Variants in HPSE2 observed in about 807,000 individuals in gnomAD.
HPSE2 encodes the protein inactive heparanase-2.
In HPSE2, 38 loss-of-function variants were observed where a neutral mutation model predicts 60.5. The observed-to-expected ratio is 0.63, with a 90% CI of 0.48 to 0.82. The LOEUF (loss-of-function observed/expected upper bound fraction) is 0.82, where lower values mean the gene tolerates loss of function less well. Ranked by LOEUF, HPSE2 falls within the 40% of genes least tolerant of loss-of-function variation. The pLI, the probability that HPSE2 is intolerant of heterozygous loss-of-function variation, is 0.00. For missense variants in HPSE2, 713 were observed against 740.4 expected (o/e 0.96, Z 0.43); for synonymous variants, 295 against 293.2 (o/e 1.01, Z -0.06).
At chr10:98,816,687 T>C (rs1391419709) in intron 3 of HPSE2, among the ~76,000 whole-genome samples, 2 of 152,110 alleles carry the variant, frequency 1.3e-5, no homozygotes, top group Non-Finnish European at 2.9e-5. Flanking sequence ...CAATTTAGGA[T>C]TTCTGCCCAG....
intron 11 of HPSE2, among the ~76,000 whole-genome samples, chr10:98,478,471 C>T (rs1040014370): frequency 9.9e-5 from 15 of 152,234 alleles, no homozygotes; most frequent in African/African-American, 2.9e-4. Context: ...GTCCAACCCC[C>T]GACTGAGGAA....
intron 11 of HPSE2, among the ~76,000 whole-genome samples, chr10:98,479,586 A>G (rs1328876121): frequency 6.6e-6 from 1 of 152,216 alleles, no homozygotes; most frequent in Non-Finnish European, 1.5e-5. Flanking sequence ...CTGGCAGCTT[A>G]CAGTCCACCA....
chr10:99,267,289 C>A, the HPSE2 span, among the ~76,000 whole-genome samples: 4 of 151,874 alleles, frequency 2.6e-5, no homozygotes, highest in African/African-American at 9.7e-5. Context: ...AAATAAAAAA[C>A]AATCACAACT....
chr10:98,994,582 T>C (rs1163285474), intron 3 of HPSE2, among the ~76,000 whole-genome samples: 2 of 152,236 alleles, frequency 1.3e-5, no homozygotes, highest in Admixed American at 6.5e-5. Flanking sequence ...ATATGCATAG[T>C]AAAGCCCGGT....
chr10:98,901,806 T>G (rs553961348), intron 3 of HPSE2, among the ~76,000 whole-genome samples: 1 of 152,324 alleles, frequency 6.6e-6, no homozygotes, highest in South Asian at 2.1e-4. Context: ...AGGCCTATGT[T>G]TCCTCAGCTG....
chr10:99,054,666 G>A (rs1229702542), intron 3 of HPSE2, among the ~76,000 whole-genome samples: 2 of 152,176 alleles, frequency 1.3e-5, no homozygotes, highest in South Asian at 2.1e-4. Context: ...ACTATTCAGA[G>A]GAAGATAATG....
At chr10:98,503,347 C>A (rs932315299) in intron 9 of HPSE2, among the ~76,000 whole-genome samples, 2 of 151,966 alleles carry the variant, frequency 1.3e-5, no homozygotes, top group African/African-American at 4.8e-5. Flanking sequence ...TGGCTGTAAT[C>A]AAAAAATCAA....
At chr10:99,211,567 C>T (rs1033737261) in intron 2 of HPSE2, among the ~76,000 whole-genome samples, 2 of 152,078 alleles carry the variant, frequency 1.3e-5, no homozygotes, top group Admixed American at 1.3e-4. Context: ...ACACATTACA[C>T]TCAACTGATT....
At chr10:98,583,305 C>T (rs1944854345) in intron 9 of HPSE2, among the ~76,000 whole-genome samples, 3 of 152,212 alleles carry the variant, frequency 2.0e-5, no homozygotes, top group Admixed American at 2.0e-4. Context: ...CCAGAAAATT[C>T]TGTAACCAGT....
intron 2 of HPSE2, among the ~76,000 whole-genome samples, chr10:99,170,354 T>G (rs994491835): frequency 2.0e-5 from 3 of 152,214 alleles, no homozygotes; most frequent in Non-Finnish European, 2.9e-5. Flanking sequence ...TATTCAAGTC[T>G]GCTCCAGCTC....
intron 3 of HPSE2, among the ~76,000 whole-genome samples, chr10:98,977,102 A>G (rs540437875): frequency 1.3e-5 from 2 of 152,284 alleles, no homozygotes; most frequent in South Asian, 4.1e-4. Context: ...CAGAACTGTG[A>G]GAGAGTACAT....
At chr10:98,943,697 T>C (rs997575055) in intron 3 of HPSE2, among the ~76,000 whole-genome samples, 1 of 152,160 alleles carries the variant, frequency 6.6e-6, no homozygotes, top group Non-Finnish European at 1.5e-5. Flanking sequence ...CATGAGGACA[T>C]TCAGGAAGCC....
chr10:99,268,871 C>T, the HPSE2 span, among the ~76,000 whole-genome samples: 57 of 152,052 alleles, frequency 3.7e-4, no homozygotes, highest in East Asian at 3.1e-3. Context: ...TAAGAATTCA[C>T]GGGCCAGGCA....
intron 3 of HPSE2, among the ~76,000 whole-genome samples, chr10:99,077,560 G>C (rs1842986306): frequency 6.6e-6 from 1 of 151,758 alleles, no homozygotes; most frequent in African/African-American, 2.4e-5. Flanking sequence ...AGATTTGTTT[G>C]GGGCTGTGTG....
intron 2 of HPSE2, among the ~76,000 whole-genome samples, chr10:99,212,381 C>T (rs1848981449): frequency 6.6e-6 from 1 of 151,880 alleles, no homozygotes; most frequent in Non-Finnish European, 1.5e-5. Context: ...CAACATTATT[C>T]ACAATAGTCA....
chr10:98,987,412 T>C (rs142654287), intron 3 of HPSE2, among the ~76,000 whole-genome samples: 35 of 152,290 alleles, frequency 2.3e-4, no homozygotes, highest in Non-Finnish European at 4.0e-4. Context: ...ATTATCTCAA[T>C]AGATGCAGAA....
intron 8 of HPSE2, among the ~76,000 whole-genome samples, chr10:98,618,379 A>G: frequency 6.6e-6 from 1 of 152,134 alleles, no homozygotes. Context: ...CATTCCCTAA[A>G]GGGAAGAATG....
chr10:98,672,059 A>G (rs1389951832), intron 6 of HPSE2, among the ~76,000 whole-genome samples: 1 of 152,238 alleles, frequency 6.6e-6, no homozygotes, highest in African/African-American at 2.4e-5. Context: ...CTAATTACAT[A>G]CAATGTACAT....
At chr10:98,709,158 C>A (rs1001793872) in intron 5 of HPSE2, among the ~76,000 whole-genome samples, 1 of 152,104 alleles carries the variant, frequency 6.6e-6, no homozygotes, top group Non-Finnish European at 1.5e-5. Flanking sequence ...CGGAAACTGG[C>A]CCAAACCACA....
Sources: allele counts gnomAD v4.1 joint callset (sites outside exome capture counted in the v4.1 genomes callset), GRCh38; gene constraint gnomAD v4.1.1; transcripts MANE v1.5; gene names NCBI Gene and HGNC (gene_info 2026-07-23, HGNC 2026-07-21).